Variants in CNTNAP2 observed in about 807,000 individuals in gnomAD.
CNTNAP2 encodes the protein contactin associated protein 2.
Under a neutral mutation model 155.2 loss-of-function variants are expected in CNTNAP2, and 98 were observed. The observed-to-expected ratio is 0.63, with a 90% CI of 0.54 to 0.75. The LOEUF (loss-of-function observed/expected upper bound fraction) is 0.75, where lower values mean the gene tolerates loss of function less well. Ranked by LOEUF, CNTNAP2 falls within the 30% of genes least tolerant of loss-of-function variation. The probability of loss-of-function intolerance (pLI) is 0.00; values close to 1 mark genes in which losing one functional copy is unlikely to be tolerated. For synonymous variants in CNTNAP2, 651 were observed against 631.2 expected (o/e 1.03, Z -0.47); for missense variants, 1,727 against 1,688.1 (o/e 1.02, Z -0.40).
At position 146,659,320 on chromosome 7, in the gene CNTNAP2, C is replaced by A. The variant is rs1325846602; in HGVS notation, c.98-114951C>A. ...CAAGGAAGGTTAATATCTATAAGTA[C>A]TTTCAGGCCTGCCTTTGGAAAGGCA... is the stretch of plus-strand genomic sequence containing the variant. On this transcript the variant is annotated intron_variant, in intron 1 of 23. Coordinates refer to ENST00000361727, the MANE Select transcript of CNTNAP2 (RefSeq NM_014141.6). Among the ~76,000 whole-genome samples, 4 of 152,242 alleles carry A rather than the reference C, an allele frequency of 2.6e-5. No individual in the cohort carries two copies. The East Asian group carries it at 7.7e-4, about 29-fold the overall frequency.
At chr7:147,141,127 T>A (rs1801584771) in intron 8 of CNTNAP2, among the ~76,000 whole-genome samples, 1 of 152,152 alleles carries the variant, frequency 6.6e-6, no homozygotes, top group South Asian at 2.1e-4. Context: ...TCTATCTCAT[T>A]TATACAAATG....
chr7:148,077,237 G>A lies in CNTNAP2; in HGVS notation c.2384-40881G>A, dbSNP rs1803505005. 2.6e-5 allele frequency among the ~76,000 whole-genome samples: 4 copies of A among 151,688 alleles called. No homozygotes were observed. The South Asian group carries it at 8.3e-4, about 32-fold the overall frequency. Reference sequence around the variant, plus strand: ...CAGGAGAATCGCTTGAACCTGGGAGGTGGATTTTGTGGTGAGCCGAGATCA... The same window carrying A: ...CAGGAGAATCGCTTGAACCTGGGAGATGGATTTTGTGGTGAGCCGAGATCA... On this transcript the variant is annotated intron_variant, in intron 15 of 23. Transcript: ENST00000361727.
At chr7:146,989,465 A>G (rs1798171020) in intron 3 of CNTNAP2, among the ~76,000 whole-genome samples, 1 of 152,128 alleles carries the variant, frequency 6.6e-6, no homozygotes, top group African/African-American at 2.4e-5. Context: ...AGGGCTAAGA[A>G]GTTCTTCAGT....
At chr7:148,355,779 A>G (rs1798503037) in intron 21 of CNTNAP2, among the ~76,000 whole-genome samples, 1 of 152,242 alleles carries the variant, frequency 6.6e-6, no homozygotes, top group Non-Finnish European at 1.5e-5. Flanking sequence ...AATAGACTGT[A>G]CAGTTAAAGG....
In CNTNAP2 at chr7:146,389,223, TCACACA is replaced by T. The variant is rs3050929; in HGVS notation, c.97+272277_97+272282del. Among the ~76,000 whole-genome samples the T allele has an allele frequency of 7.7e-4, 102 of 133,274 alleles. 1 individual carries two copies. Among genetic ancestry groups the T allele is most frequent in the Non-Finnish European group, 1.1e-3 (68 of 61,396 alleles). 87.4% of individuals were successfully genotyped at this position (133,274 alleles called of 152,430 possible). A position where few individuals can be genotyped will look rare whatever the true frequency, so the allele number is the denominator to read the frequency against. On this transcript the variant is annotated intron_variant, in intron 1 of 23. Transcript: ENST00000361727. Reference sequence around the variant, plus strand: ...TTATGGAGCAAATTGTAGGAAATAGTCACACACACACACACACACACACACACACAC... The same window carrying T: ...TTATGGAGCAAATTGTAGGAAATAGTCACACACACACACACACACACACAC...
At chr7:147,153,464 T>C (rs1801865025) in intron 8 of CNTNAP2, among the ~76,000 whole-genome samples, 2 of 152,020 alleles carry the variant, frequency 1.3e-5, no homozygotes, top group African/African-American at 4.8e-5. Flanking sequence ...GCATAAACCT[T>C]ATAACAAAGG....
chr7:146,887,671 A>G (rs957709448), intron 3 of CNTNAP2, among the ~76,000 whole-genome samples: 2 of 151,974 alleles, frequency 1.3e-5, no homozygotes, highest in African/African-American at 4.8e-5. Flanking sequence ...TATTTTCTCT[A>G]ATTGCCTTGT....
chr7:148,309,043 G>A (rs941466175), intron 21 of CNTNAP2, among the ~76,000 whole-genome samples: 1 of 152,160 alleles, frequency 6.6e-6, no homozygotes, highest in Non-Finnish European at 1.5e-5. Context: ...ACATACATGT[G>A]CATGTGTCTT....
intron 13 of CNTNAP2, among the ~76,000 whole-genome samples, chr7:147,646,631 C>T (rs1389914172): frequency 6.6e-6 from 1 of 152,020 alleles, no homozygotes; most frequent in Non-Finnish European, 1.5e-5. Context: ...GCTTCAGCTT[C>T]CTGGGCTGCC....
intron 1 of CNTNAP2, among the ~76,000 whole-genome samples, chr7:146,487,374 A>G (rs1797072702): frequency 6.6e-6 from 1 of 152,240 alleles, no homozygotes; most frequent in African/African-American, 2.4e-5. Context: ...TAAAAACGCT[A>G]AGAAATGAAA....
intron 1 of CNTNAP2, among the ~76,000 whole-genome samples, chr7:146,302,403 A>T (rs1382684872): frequency 5.9e-5 from 9 of 152,158 alleles, no homozygotes; most frequent in Non-Finnish European, 1.3e-4. Context: ...CACTTAGTCA[A>T]AAATCTTAAG....
At chr7:147,065,993 G>A (rs567376960) in intron 4 of CNTNAP2, among the ~76,000 whole-genome samples, 153 of 152,120 alleles carry the variant, frequency 1.0e-3, no homozygotes, top group Admixed American at 1.5e-3. Context: ...TATAAAAAAG[G>A]TGGAAAAGGT....
chr7:148,290,571 T>G (rs1248418124), intron 21 of CNTNAP2, among the ~76,000 whole-genome samples: 2 of 152,232 alleles, frequency 1.3e-5, no homozygotes, highest in Non-Finnish European at 1.5e-5. Flanking sequence ...GAATGAATAG[T>G]GATCAGGTTC....
chr7:146,256,982 T>C (rs1183530994), intron 1 of CNTNAP2, among the ~76,000 whole-genome samples: 1 of 152,230 alleles, frequency 6.6e-6, no homozygotes, highest in Non-Finnish European at 1.5e-5. Context: ...CGGAAAACAA[T>C]TATCCACAAT....
chr7:146,359,813 C>T (rs112483897), intron 1 of CNTNAP2, among the ~76,000 whole-genome samples: 4,714 of 151,934 alleles, frequency 0.031, 130 homozygotes, highest in African/African-American at 0.07. Flanking sequence ...TGCGTGCGTG[C>T]GCATGCATGT....
At chr7:146,580,752 T>C (rs1798599476) in intron 1 of CNTNAP2, among the ~76,000 whole-genome samples, 1 of 152,120 alleles carries the variant, frequency 6.6e-6, no homozygotes, top group South Asian at 2.1e-4. Flanking sequence ...TGATAAATAT[T>C]ATTAAAATGT....
chr7:146,629,887 T>C (rs1026843793), intron 1 of CNTNAP2, among the ~76,000 whole-genome samples: 3 of 152,112 alleles, frequency 2.0e-5, no homozygotes, highest in African/African-American at 4.8e-5. Context: ...GAAATAAATA[T>C]TGTATTGCAT....
intron 15 of CNTNAP2, among the ~76,000 whole-genome samples, chr7:147,985,054 G>T (rs1801592928): frequency 6.6e-6 from 1 of 152,008 alleles, no homozygotes; most frequent in South Asian, 2.1e-4. Flanking sequence ...GGCAGAGGTT[G>T]CAGTGAGCCG....
At chr7:146,800,895 A>G (rs1046413497) in intron 2 of CNTNAP2, among the ~76,000 whole-genome samples, 1 of 151,986 alleles carries the variant, frequency 6.6e-6, no homozygotes, top group Non-Finnish European at 1.5e-5. Flanking sequence ...TTTTTCCCAC[A>G]TGCAATGTGG....
Sources: allele counts gnomAD v4.1 joint callset (sites outside exome capture counted in the v4.1 genomes callset), GRCh38; gene constraint gnomAD v4.1.1; transcripts MANE v1.5; gene names NCBI Gene and HGNC (gene_info 2026-07-23, HGNC 2026-07-21).